UBAC2: variants seen among roughly 807,000 people sequenced by gnomAD.
The protein encoded by UBAC2 is UBA domain containing 2, also known as ubiquitin-associated domain-containing protein 2.
A neutral mutation model predicts 44.0 loss-of-function variants in UBAC2; 26 were observed. That is an observed-to-expected ratio of 0.59 (90% CI 0.43 to 0.82). UBAC2 has a LOEUF of 0.82. Among genes scored for constraint, UBAC2 ranks in the 40% least tolerant of loss-of-function variants. UBAC2 has a pLI of 0.00. For synonymous variants in UBAC2, 155 were observed against 154.3 expected (o/e 1.00, Z -0.04); for missense variants, 329 against 419.4 (o/e 0.78, Z 1.88).
At chr13:99,290,095 A>G (rs1343251853) in intron 4 of UBAC2, among the ~76,000 whole-genome samples, 1 of 151,432 alleles carries the variant, frequency 6.6e-6, no homozygotes, top group African/African-American at 2.4e-5. Context: ...CCCAGAGTGT[A>G]GAGCCTGGCT....
In UBAC2 at chr13:99,295,867, C is replaced by T. The variant is rs41280146; in HGVS notation, c.390-18230C>T. On this transcript the variant is annotated intron_variant, in intron 4 of 8. Coordinates refer to ENST00000403766, the MANE Select transcript of UBAC2 (RefSeq NM_001144072.2). This position sits in a 1 kb window ranked among gnomAD's most constrained non-coding sequence, Gnocchi z 4.1. ...CATCTCCGATTCTCCAGTCAAAGCC[C>T]ATTGCATAGTAGGCTATTCGTGTAG... 338 of 1,608,014 alleles carry T rather than the reference C, an allele frequency of 2.1e-4. 3 individuals are homozygous for T. The African/African-American group carries it at 4.3e-3, about 20-fold the overall frequency.
At chr13:99,298,006 G>A (rs9513593) in intron 4 of UBAC2, among the ~76,000 whole-genome samples, 107,531 of 151,894 alleles carry the variant, frequency 0.71, 39,658 homozygotes, top group Non-Finnish European at 0.82. Context: ...GAGGGTCACT[G>A]CAAAGGTTAA....
chr13:99,270,485 G>A (rs1436292989), intron 4 of UBAC2, among the ~76,000 whole-genome samples: 1 of 152,092 alleles, frequency 6.6e-6, no homozygotes, highest in African/African-American at 2.4e-5. Context: ...GCTAATTCTT[G>A]GGCACAGATC....
At chr13:99,222,805 C>T (rs916614428) in intron 1 of UBAC2, among the ~76,000 whole-genome samples, 3 of 152,124 alleles carry the variant, frequency 2.0e-5, no homozygotes, top group African/African-American at 7.2e-5. Flanking sequence ...GTATATTGGT[C>T]TATTTTTTGC....
intron 1 of UBAC2, among the ~76,000 whole-genome samples, chr13:99,216,072 C>G (rs1023384989): frequency 7.6e-6 from 1 of 131,870 alleles, no homozygotes; most frequent in Non-Finnish European, 1.6e-5. Flanking sequence ...ACTTTTGTAC[C>G]AACCTATATT....
chr13:99,338,156 C>A (rs921732417), intron 6 of UBAC2, among the ~76,000 whole-genome samples: 2 of 140,806 alleles, frequency 1.4e-5, no homozygotes, highest in Non-Finnish European at 3.0e-5. Context: ...CACCCAGGTT[C>A]AAGCGATTCT....
At chr13:99,237,378 G>T (rs1034367923) in intron 1 of UBAC2, among the ~76,000 whole-genome samples, 2 of 152,022 alleles carry the variant, frequency 1.3e-5, no homozygotes, top group Non-Finnish European at 2.9e-5. Flanking sequence ...ACATGTAAGT[G>T]AAATAAGAAC....
chr13:99,349,591 A>G (rs1053934748), intron 7 of UBAC2, among the ~76,000 whole-genome samples: 2 of 152,192 alleles, frequency 1.3e-5, no homozygotes, highest in African/African-American at 2.4e-5. Context: ...CAAGTCACGT[A>G]ATCACAGGAC....
chr13:99,201,505 G>T (rs2042799119), intron 1 of UBAC2: 1 of 1,614,188 alleles, frequency 6.2e-7, no homozygotes, highest in Non-Finnish European at 8.5e-7. Flanking sequence ...AAGTCGTGGC[G>T]AGGGAGCGCA....
chr13:99,217,318 C>T (rs139993013), intron 1 of UBAC2, among the ~76,000 whole-genome samples: 4 of 152,264 alleles, frequency 2.6e-5, no homozygotes, highest in East Asian at 3.9e-4. Flanking sequence ...GGATCTCTTA[C>T]GCTTTTCTCC....
intron 1 of UBAC2, chr13:99,215,746 T>TA (rs2042985888): frequency 7.1e-7 from 1 of 1,406,550 alleles, no homozygotes; most frequent in African/African-American, 1.4e-5. Flanking sequence ...TTCCCAGCCT[T>TA]ACCGTCAGCC....
intron 8 of UBAC2, 126 bp downstream of exon 8, chr13:99,368,032 C>T: frequency 6.7e-6 from 8 of 1,198,680 alleles, no homozygotes; most frequent in Non-Finnish European, 9.2e-6. Context: ...AGTCCATCTG[C>T]CACCATGATA....
chr13:99,219,798 A>G (rs1231105059), intron 1 of UBAC2, among the ~76,000 whole-genome samples: 2 of 152,200 alleles, frequency 1.3e-5, no homozygotes, highest in African/African-American at 2.4e-5. Context: ...GACATTTCAT[A>G]TAAGTGGAGT....
intron 6 of UBAC2, among the ~76,000 whole-genome samples, chr13:99,328,651 AT>A (rs2044673071): frequency 6.6e-6 from 1 of 152,106 alleles, no homozygotes; most frequent in Non-Finnish European, 1.5e-5. Flanking sequence ...TTTGTGAAAT[AT>A]CTGTTCAAAT....
chr13:99,268,331 G>A (rs1038017285), intron 4 of UBAC2, among the ~76,000 whole-genome samples: 7 of 152,136 alleles, frequency 4.6e-5, no homozygotes, highest in Non-Finnish European at 1.0e-4. Context: ...CATAGAAGGA[G>A]GCCAGGCATG....
chr13:99,287,233 C>T (rs2044029603), intron 4 of UBAC2, among the ~76,000 whole-genome samples: 1 of 152,010 alleles, frequency 6.6e-6, no homozygotes, highest in Admixed American at 6.6e-5. Context: ...CTGCCCTTGC[C>T]TCAGATTTGC....
At chr13:99,335,909 C>T (rs369896954) in intron 6 of UBAC2, among the ~76,000 whole-genome samples, 2 of 151,794 alleles carry the variant, frequency 1.3e-5, no homozygotes, top group East Asian at 1.9e-4. Context: ...AATCCCAGCA[C>T]TTAGGGAGGC....
In UBAC2 at chr13:99,307,697, A is replaced by G. The variant is rs534953541; in HGVS notation, c.390-6400A>G. On this transcript the variant is annotated intron_variant, in intron 4 of 8. Transcript: ENST00000403766. ...AAATTCTTTGAAAGAGACTGAAGCAATAAACCTTAACCAAAAAAAAGACCA... is the reference window on the plus strand; with the variant it reads ...AAATTCTTTGAAAGAGACTGAAGCAGTAAACCTTAACCAAAAAAAAGACCA... Among the ~76,000 whole-genome samples, 36 of 152,302 alleles carry G rather than the reference A, an allele frequency of 2.4e-4. No homozygotes were observed. In the South Asian group the frequency reaches 7.0e-3, roughly 30 times the overall value.
intron 4 of UBAC2, among the ~76,000 whole-genome samples, chr13:99,293,543 C>T (rs2044123054): frequency 6.6e-6 from 1 of 152,146 alleles, no homozygotes; most frequent in African/African-American, 2.4e-5. Context: ...CTTTCTTTTC[C>T]TTCACTTGGG....
Sources: gnomAD v4.1 joint callset for allele counts (sites outside exome capture counted in the v4.1 genomes callset) on GRCh38, gnomAD v4.1.1 for gene constraint, Gnocchi (gnomAD v3.1) non-coding constraint, MANE v1.5 for transcripts, NCBI Gene and HGNC (gene_info 2026-07-23, HGNC 2026-07-21) for gene names.